The following EPHA5 variants were observed in gnomAD, a reference collection of about 807,000 sequenced individuals.
The protein encoded by EPHA5 is ephrin type-A receptor 5.
Under a neutral mutation model 105.0 loss-of-function variants are expected in EPHA5, and 60 were observed. The observed-to-expected ratio is 0.57, with a 90% confidence interval of 0.46 to 0.71. The LOEUF is 0.71. EPHA5 is among the 30% of genes least tolerant of loss of function. The pLI is 0.00. For missense variants in EPHA5, 1,218 were observed against 1,274.7 expected (o/e 0.96, Z 0.68); for synonymous variants, 513 against 449.1 (o/e 1.14, Z -1.80).
chr4:65,441,724 A>G (rs1201269939), intron 5 of EPHA5, among the ~76,000 whole-genome samples: 1 of 152,174 alleles, frequency 6.6e-6, no homozygotes, highest in African/African-American at 2.4e-5. Flanking sequence ...CTGACTCTGT[A>G]AAACATATTA....
intron 5 of EPHA5, among the ~76,000 whole-genome samples, chr4:65,468,455 CA>C (rs1341842975): frequency 6.9e-6 from 1 of 145,266 alleles, no homozygotes; most frequent in African/African-American, 2.5e-5. Context: ...GAAAAATAGC[CA>C]GGGGGGAGAT....
chr4:65,648,786 CA>C (rs1274375320), intron 1 of EPHA5, among the ~76,000 whole-genome samples: 2 of 152,170 alleles, frequency 1.3e-5, no homozygotes, highest in Non-Finnish European at 2.9e-5. Flanking sequence ...TCTGTGGGAA[CA>C]AACCCCAGAT....
At chr4:65,439,439 C>A (rs1725803009) in intron 5 of EPHA5, among the ~76,000 whole-genome samples, 1 of 150,586 alleles carries the variant, frequency 6.6e-6, no homozygotes, top group Non-Finnish European at 1.5e-5. Context: ...CCCACACCAC[C>A]CCCCGCTGCC....
chr4:65,612,541 A>G (rs1401414074), intron 2 of EPHA5, among the ~76,000 whole-genome samples: 4 of 152,212 alleles, frequency 2.6e-5, no homozygotes, highest in Non-Finnish European at 5.9e-5. Flanking sequence ...CACTGAATAC[A>G]TATGCCACAT....
intron 3 of EPHA5, among the ~76,000 whole-genome samples, chr4:65,597,757 G>A (rs1159219808): frequency 2.0e-5 from 3 of 152,278 alleles, no homozygotes; most frequent in Admixed American, 2.0e-4. Context: ...GGGTGAGGTA[G>A]TCTATTTCTC....
chr4:65,438,732 G>C (rs115809933), intron 5 of EPHA5, among the ~76,000 whole-genome samples: 2,591 of 151,866 alleles, frequency 0.017, 27 homozygotes, highest in South Asian at 0.034. Context: ...CTAATTTTTA[G>C]AGTTAGCTAC....
chr4:65,375,803 A>ACACG, intron 8 of EPHA5, among the ~76,000 whole-genome samples: 1 of 151,830 alleles, frequency 6.6e-6, no homozygotes. Context: ...ACACACACAC[A>ACACG]CACACACACA....
At chr4:65,402,786 A>G (rs1281231514) in intron 8 of EPHA5, among the ~76,000 whole-genome samples, 2 of 152,184 alleles carry the variant, frequency 1.3e-5, no homozygotes, top group East Asian at 3.9e-4. Flanking sequence ...GGGGTAGAAA[A>G]GACACATTGT....
rs368415383 is a variant in EPHA5 at position 65,612,364 on chromosome 4, C to A, written c.247-10060G>T. Among the ~76,000 whole-genome samples, 20 of 152,198 alleles carry A rather than the reference C, an allele frequency of 1.3e-4. No homozygotes were observed. In the South Asian group the frequency reaches 2.7e-3, roughly 21 times the overall value. ...TGCCGAGTTTCCAAAACTTATTATT[C>A]CACTCTCTATATCCGTGAGTACACA... On this transcript the variant is annotated intron_variant, in intron 2 of 16. Transcript: ENST00000613740.
At chr4:65,359,860 A>G (rs1458936780) in intron 11 of EPHA5, among the ~76,000 whole-genome samples, 1 of 151,552 alleles carries the variant, frequency 6.6e-6, no homozygotes, top group African/African-American at 2.4e-5. Flanking sequence ...TGTTAGCTCT[A>G]CGTCTTCAAA....
intron 5 of EPHA5, 95 bp from the exon 6 acceptor site, chr4:65,420,660 A>T: frequency 8.7e-7 from 1 of 1,149,768 alleles, no homozygotes; most frequent in Non-Finnish European, 1.2e-6. Context: ...TTGAGAACGT[A>T]GCAATATAAA....
At chr4:65,398,085 C>T (rs889083172) in intron 8 of EPHA5, among the ~76,000 whole-genome samples, 7 of 152,186 alleles carry the variant, frequency 4.6e-5, no homozygotes, top group Admixed American at 4.6e-4. Flanking sequence ...CAGCTGCAGA[C>T]ACCCAGCCAC....
chr4:65,483,132 T>C (rs954840002), intron 5 of EPHA5, among the ~76,000 whole-genome samples: 6 of 152,176 alleles, frequency 3.9e-5, no homozygotes, highest in Non-Finnish European at 5.9e-5. Flanking sequence ...GTCCTTGCGA[T>C]AGTTTGCTGA....
Position 65,322,484 on chromosome 4 carries a change from A to G in EPHA5, c.*1630T>C, listed in dbSNP as rs1719712006. Reference sequence around the variant, plus strand: ...GGCTGTATTTTATTTAAATGCTCTGATTTTGACTAATCACATGACATTCCA... The same window carrying G: ...GGCTGTATTTTATTTAAATGCTCTGGTTTTGACTAATCACATGACATTCCA... On this transcript the variant is annotated 3_prime_UTR_variant, in exon 17 of 17. Transcript: ENST00000613740. 4.4e-6 allele frequency: 1 copy of G among 225,578 alleles called. No individual in the cohort carries two copies. The highest frequency in any genetic ancestry group is 6.3e-5 in the East Asian group (1 of 15,750). The allele number at this position is 225,578 out of a possible 1,614,324, so 14.0% of individuals were successfully genotyped here.
At chr4:65,438,551 G>A (rs931242275) in intron 5 of EPHA5, among the ~76,000 whole-genome samples, 1 of 151,892 alleles carries the variant, frequency 6.6e-6, no homozygotes, top group African/African-American at 2.4e-5. Context: ...AAAGAAGACA[G>A]TGAAGAACCA....
At chr4:65,337,522 G>A (rs1721299068) in intron 14 of EPHA5, among the ~76,000 whole-genome samples, 1 of 152,044 alleles carries the variant, frequency 6.6e-6, no homozygotes, top group Non-Finnish European at 1.5e-5. Context: ...CAGTGCAGGG[G>A]CAGATGGAAA....
chr4:65,631,730 AAG>A (rs1406632083), intron 2 of EPHA5, among the ~76,000 whole-genome samples: 157 of 79,450 alleles, frequency 2.0e-3, no homozygotes, highest in Admixed American at 5.1e-3. Flanking sequence ...CTAAAACTTA[AAG>A]TATAATAATA....
chr4:65,338,927 C>T (rs1299998290), intron 14 of EPHA5, among the ~76,000 whole-genome samples: 5 of 151,992 alleles, frequency 3.3e-5, no homozygotes, highest in Admixed American at 2.0e-4. Context: ...GTTATAATCT[C>T]GATGGACTTT....
intron 5 of EPHA5, among the ~76,000 whole-genome samples, chr4:65,440,813 T>A (rs1392292327): frequency 2.0e-5 from 3 of 151,992 alleles, no homozygotes; most frequent in Non-Finnish European, 2.9e-5. Context: ...TCCGGAGCCA[T>A]TTTTAGTGGC....
Sources: allele counts gnomAD v4.1 joint callset (sites outside exome capture counted in the v4.1 genomes callset), GRCh38; gene constraint gnomAD v4.1.1; transcripts MANE v1.5; gene names NCBI Gene and HGNC (gene_info 2026-07-23, HGNC 2026-07-21).